MCPH1: variants seen among roughly 807,000 people sequenced by gnomAD.
The protein encoded by MCPH1 is microcephalin 1.
A neutral mutation model predicts 84.5 loss-of-function variants in MCPH1; 104 were observed. The ratio of observed to expected loss-of-function variants is 1.23; its 90% CI spans 1.05 to 1.45. The LOEUF (loss-of-function observed/expected upper bound fraction) is 1.45. Among genes scored for constraint, MCPH1 ranks in the 40% most tolerant of loss-of-function variants. The pLI is 0.00. For synonymous variants in MCPH1, 514 were observed against 366.8 expected (o/e 1.40, Z -4.58); for missense variants, 1,498 against 1,005.7 (o/e 1.49, Z -6.62).
At chr8:6,478,734 T>G (rs749882779) in intron 10 of MCPH1, among the ~76,000 whole-genome samples, 1 of 152,176 alleles carries the variant, frequency 6.6e-6, no homozygotes, top group Non-Finnish European at 1.5e-5. Flanking sequence ...TACTTTTTGT[T>G]TTTGTTTTTG....
chr8:6,608,014 C>A (rs1358639628), intron 12 of MCPH1, among the ~76,000 whole-genome samples: 3 of 152,122 alleles, frequency 2.0e-5, no homozygotes, highest in Non-Finnish European at 4.4e-5. Flanking sequence ...GTTTTTTGAT[C>A]CACCCCCAGG....
intron 12 of MCPH1, among the ~76,000 whole-genome samples, chr8:6,536,073 T>A (rs531718781): frequency 6.6e-6 from 1 of 152,004 alleles, no homozygotes; most frequent in East Asian, 1.9e-4. Context: ...AGAAAAAAAT[T>A]AAAATTAAAA....
chr8:6,623,450 T>C (rs1442846082), intron 13 of MCPH1, among the ~76,000 whole-genome samples: 2 of 152,048 alleles, frequency 1.3e-5, no homozygotes, highest in African/African-American at 2.4e-5. Flanking sequence ...TTAGTACTTT[T>C]GCATGTCTCT....
chr8:6,618,877 G>T (rs1055438523), intron 12 of MCPH1: 1 of 152,090 alleles, frequency 6.6e-6, no homozygotes, highest in Admixed American at 6.5e-5. Context: ...AAGGCTTTCC[G>T]CCTTCCCACT....
intron 4 of MCPH1, among the ~76,000 whole-genome samples, chr8:6,434,611 A>G (rs1366671305): frequency 1.3e-5 from 2 of 152,234 alleles, no homozygotes; most frequent in African/African-American, 4.8e-5. Flanking sequence ...CTAGGTTGCA[A>G]GACCAGCGCC....
chr8:6,413,380 G>A (rs1798806793), intron 2 of MCPH1, among the ~76,000 whole-genome samples: 1 of 150,728 alleles, frequency 6.6e-6, no homozygotes, highest in South Asian at 2.1e-4. Context: ...TTGGTGTAGT[G>A]CTGTTTTCGT....
intron 12 of MCPH1, among the ~76,000 whole-genome samples, chr8:6,576,036 CTAATACAGCCT>C (rs1173879505): frequency 1.7e-5 from 1 of 59,886 alleles, no homozygotes. Flanking sequence ...CCCTAGCAAA[CTAATACAGCCT>C]TAAAAAAAAA....
chr8:6,481,293 G>A (rs75713441), intron 11 of MCPH1, among the ~76,000 whole-genome samples: 2,199 of 152,314 alleles, frequency 0.014, 55 homozygotes, highest in African/African-American at 0.051. Flanking sequence ...GATTTACTTA[G>A]GATGAAGGAT....
In MCPH1 at chr8:6,484,098, C is replaced by G. The variant is rs181814601; in HGVS notation, c.2136+3222C>G. Among the ~76,000 whole-genome samples the G allele has an allele frequency of 5.9e-4, 90 of 152,164 alleles. 1 individual carries two copies. The highest frequency in any genetic ancestry group is 2.1e-3 in the African/African-American group (89 of 41,502). ...AGTTAGATTTCATCAAAATTGAAAG[C>G]TTTTACTCTGTGAAAGATATTATGA... On this transcript the variant is annotated intron_variant, in intron 11 of 13. Transcript: ENST00000344683.
In MCPH1 at chr8:6,536,513, A is replaced by AT. The variant is rs144245007; in HGVS notation, c.2214+36589dup. On this transcript the variant is annotated intron_variant, in intron 12 of 13. Transcript: ENST00000344683. ...ACCACCCACCCCTCAGTGGAGGGCC[A>AT]TTTTTACCACCAGAAAAGCCCAGAA... Among the ~76,000 whole-genome samples the AT allele has an allele frequency of 6.5e-3, 989 of 152,268 alleles. 13 individuals are homozygous for AT. Among genetic ancestry groups the AT allele is most frequent in the African/African-American group, 0.023 (939 of 41,562 alleles).
intron 13 of MCPH1, among the ~76,000 whole-genome samples, chr8:6,633,372 T>C (rs1203413273): frequency 6.6e-6 from 1 of 152,224 alleles, no homozygotes; most frequent in Non-Finnish European, 1.5e-5. Flanking sequence ...TTAGCATTTG[T>C]ATACCCAATG....
In MCPH1 at chr8:6,455,187, T is replaced by C. The variant is rs1184142282; in HGVS notation, c.1870T>C (p.Cys624Arg). ...PTRHDVLDDS[C>R]DGFKDLIKPH... is the part of the protein sequence containing the mutation. ...AAGGCATGATGTTTTAGATGACTCATGTGACGGCTTTAAGGACCTCATCAA... is the reference window on the plus strand; with the variant it reads ...AAGGCATGATGTTTTAGATGACTCACGTGACGGCTTTAAGGACCTCATCAA... Residue 624 changes from cysteine (C) to arginine (R), a missense_variant, in exon 9 of 14, where the codon TGT becomes CGT. Transcript: ENST00000344683. The C allele has an allele frequency of 6.2e-7, 1 of 1,613,976 alleles. No individual in the cohort carries two copies. Among genetic ancestry groups the C allele is most frequent in the Non-Finnish European group, 8.5e-7 (1 of 1,179,888 alleles).
intron 3 of MCPH1, among the ~76,000 whole-genome samples, chr8:6,418,795 T>A (rs2129552215): frequency 6.6e-6 from 1 of 152,272 alleles, no homozygotes; most frequent in South Asian, 2.1e-4. Context: ...TTGGCCAGGA[T>A]GATCCTGATC....
In MCPH1 at chr8:6,648,189, C is replaced by G. The variant is rs528553674; in HGVS notation, c.*5140C>G. 3.9e-5 allele frequency: 6 copies of G among 152,380 alleles called. No individual in the cohort carries two copies. Among genetic ancestry groups the G allele is most frequent in the African/African-American group, 1.4e-4 (6 of 41,596 alleles). The allele number at this position is 152,380 out of a possible 1,614,324, so 9.4% of individuals were successfully genotyped here. A position where few individuals can be genotyped will look rare whatever the true frequency, so the allele number is the denominator to read the frequency against. On this transcript the variant is annotated 3_prime_UTR_variant, in exon 14 of 14. Coordinates refer to ENST00000344683, the MANE Select transcript of MCPH1 (RefSeq NM_024596.5). ...TCAGCCCAACATGAGGCTCCACACC[C>G]TAGAACTCCCTGTGGAGTTGGCCGA...
chr8:6,480,803 C>T lies in MCPH1; in HGVS notation c.2063C>T (p.Ser688Phe), dbSNP rs529438322. 1 of 1,614,210 alleles carries T rather than the reference C, an allele frequency of 6.2e-7. No homozygotes were observed. The highest frequency in any genetic ancestry group is 1.3e-5 in the African/African-American group (1 of 75,050). Residue 688 changes from serine to phenylalanine, a missense_variant, in exon 11 of 14, where the codon TCC becomes TTC. By Grantham distance (155) the Ser-to-Phe change is radical. Transcript: ENST00000344683. Reference protein sequence around the residue: ...DVCETTTHVLSGKPLRTLNVL... With the variant: ...DVCETTTHVLFGKPLRTLNVL... The stretch of plus-strand genomic sequence containing the variant: ...TGTGAGACCACGACTCACGTGCTTT[C>T]CGGGAAGCCACTTCGCACCCTGAAT...
chr8:6,526,762 G>A (rs937957717), intron 12 of MCPH1, among the ~76,000 whole-genome samples: 3 of 152,096 alleles, frequency 2.0e-5, no homozygotes, highest in African/African-American at 7.2e-5. Flanking sequence ...GTTCCATGTT[G>A]TATATACATG....
At chr8:6,600,199 A>G (rs1225898732) in intron 12 of MCPH1, among the ~76,000 whole-genome samples, 1 of 152,178 alleles carries the variant, frequency 6.6e-6, no homozygotes, top group Non-Finnish European at 1.5e-5. Flanking sequence ...TGCAAAACCT[A>G]CTCATCCTGG....
Position 6,609,828 on chromosome 8 carries a change from C to CCCCCCCCACA in MCPH1, c.2215-11625_2215-11624insCCCCCCACAC, listed in dbSNP as rs1475345162. Among the ~76,000 whole-genome samples the CCCCCCCCACA allele has an allele frequency of 1.7e-4, 18 of 108,820 alleles. 2 individuals carry two copies. The highest frequency in any genetic ancestry group is 2.3e-4 in the East Asian group (1 of 4,316). The allele number at this position is 108,820 out of a possible 152,430, so 71.4% of individuals were successfully genotyped here. ...CAAAGCAATGCCCCCCGCCCCCCCC[C>CCCCCCCCACA]CACACACAGACTGCCAGGTAAACCA... is the stretch of plus-strand genomic sequence containing the variant. On this transcript the variant is annotated intron_variant, in intron 12 of 13. Transcript: ENST00000344683.
At chr8:6,610,024 CAGGCCTGACAACACA>C (rs767364998) in intron 12 of MCPH1, among the ~76,000 whole-genome samples, 4 of 152,206 alleles carry the variant, frequency 2.6e-5, no homozygotes, top group Non-Finnish European at 4.4e-5. Context: ...ACGATACTCC[CAGGCCTGACAACACA>C]TGGTTTTGCC....
Sources: allele counts gnomAD v4.1 joint callset (sites outside exome capture counted in the v4.1 genomes callset), GRCh38; gene constraint gnomAD v4.1.1; transcripts MANE v1.5; gene names NCBI Gene and HGNC (gene_info 2026-07-23, HGNC 2026-07-21).